Variants in BICRAL observed in about 807,000 individuals in gnomAD.
The protein encoded by BICRAL is BRD4-interacting chromatin-remodeling complex-associated protein-like.
In BICRAL, 8 loss-of-function variants were observed where a neutral mutation model predicts 91.8. That is an observed-to-expected ratio of 0.09 (90% CI 0.05 to 0.16). The LOEUF (loss-of-function observed/expected upper bound fraction) is 0.16. Among genes scored for constraint, BICRAL ranks in the 10% least tolerant of loss-of-function variants. BICRAL has a pLI of 1.00. For missense variants in BICRAL, 1,038 were observed against 1,310.9 expected, an observed-to-expected ratio of 0.79 and a Z score of 3.21; for synonymous variants, 445 against 491.1, an observed-to-expected ratio of 0.91 and a Z score of 1.24.
intron 1 of BICRAL, among the ~76,000 whole-genome samples, chr6:42,808,218 A>G (rs957060025): frequency 9.4e-5 from 14 of 149,586 alleles, no homozygotes; most frequent in Non-Finnish European, 1.5e-4. Flanking sequence ...TGCAACCTTC[A>G]CCTTCCAGGT....
At chr6:42,825,102 T>TA (rs1764253355) in intron 5 of BICRAL, among the ~76,000 whole-genome samples, 2 of 151,294 alleles carry the variant, frequency 1.3e-5, no homozygotes, top group Non-Finnish European at 2.9e-5. Context: ...CTACTAAAAA[T>TA]GCAAAAAATT....
intron 1 of BICRAL, among the ~76,000 whole-genome samples, chr6:42,776,474 A>C (rs997617378): frequency 1.3e-5 from 2 of 151,980 alleles, no homozygotes; most frequent in Non-Finnish European, 2.9e-5. Context: ...CAGCCTCCCA[A>C]GTAGCTGGGA....
At chr6:42,862,979 C>T (rs1010471632) in intron 12 of BICRAL, among the ~76,000 whole-genome samples, 1 of 152,016 alleles carries the variant, frequency 6.6e-6, no homozygotes, top group Non-Finnish European at 1.5e-5. Context: ...ACACTTTTTC[C>T]ACTCTTGTGT....
chr6:42,853,533 C>G (rs1285636278), intron 7 of BICRAL, 105 bp from the exon 8 acceptor site: 2 of 765,590 alleles, frequency 2.6e-6, no homozygotes, highest in East Asian at 2.5e-5. Flanking sequence ...TAAAGAAACC[C>G]GTTTCAGAAT....
At chr6:42,835,713 T>G (rs1764618672) in intron 6 of BICRAL, among the ~76,000 whole-genome samples, 1 of 152,108 alleles carries the variant, frequency 6.6e-6, no homozygotes, top group Admixed American at 6.6e-5. Flanking sequence ...GGGGGCAGAT[T>G]GCTTGAGCTC....
chr6:42,800,588 C>T (rs1270865904), intron 1 of BICRAL, among the ~76,000 whole-genome samples: 2 of 148,760 alleles, frequency 1.3e-5, no homozygotes. Context: ...CCCGCTTCAT[C>T]GCCCAGGCTA....
At chr6:42,778,938 C>T (rs892248604), upstream of BICRAL, among the ~76,000 whole-genome samples, 3 of 152,004 alleles carry the variant, frequency 2.0e-5, no homozygotes, top group African/African-American at 7.2e-5. Flanking sequence ...CTGCCTCAGC[C>T]TCCTGAGTAG....
At position 42,761,858 on chromosome 6, in the gene BICRAL, G is replaced by A. The variant is rs529338851; in HGVS notation, c.-261+14835G>A. ...GAGCCCAGGAGGTCGAGGCTTCAGC[G>A]AGCCATGATTGCATCACTGCACTCT... On this transcript the variant is annotated intron_variant, in intron 1 of 14. Coordinates refer to the BICRAL transcript ENST00000614467. Among the ~76,000 whole-genome samples, 5 of 151,918 alleles carry A rather than the reference G, an allele frequency of 3.3e-5. No homozygotes were observed. In the South Asian group the frequency reaches 6.2e-4, roughly 19 times the overall value.
intron 1 of BICRAL, among the ~76,000 whole-genome samples, chr6:42,759,897 T>G (rs1762519823): frequency 6.6e-6 from 1 of 152,152 alleles, no homozygotes; most frequent in African/African-American, 2.4e-5. Context: ...TTCCATGCTG[T>G]GTCCCTCACA....
Position 42,865,189 on chromosome 6 carries a change from G to C in BICRAL, c.2983G>C (p.Gly995Arg). 1.2e-6 allele frequency: 2 copies of C among 1,614,156 alleles called. No individual in the cohort carries two copies. The highest frequency in any genetic ancestry group is 1.7e-6 in the Non-Finnish European group (2 of 1,180,020). ...VLHTDIMKGS[G>R]EPQPDLQLTK... Reference sequence around the variant, plus strand: ...ACACACAGACATCATGAAAGGGTCAGGCGAACCCCAGCCAGATCTCCAGCT... The same window carrying C: ...ACACACAGACATCATGAAAGGGTCACGCGAACCCCAGCCAGATCTCCAGCT... Residue 995 changes from glycine (G) to arginine (R), a missense_variant, in exon 13 of 13, where the codon GGC (glycine) becomes CGC (arginine). Coordinates refer to ENST00000314073, the MANE Select transcript of BICRAL (RefSeq NM_001393499.1).
intron 11 of BICRAL, among the ~76,000 whole-genome samples, chr6:42,861,568 A>C (rs571583623): frequency 5.3e-5 from 8 of 152,340 alleles, no homozygotes; most frequent in Non-Finnish European, 1.2e-4. Flanking sequence ...GTCTCTTATA[A>C]CTCATTTTCA....
At chr6:42,815,034 A>G (rs1763951505) in intron 2 of BICRAL, among the ~76,000 whole-genome samples, 2 of 147,900 alleles carry the variant, frequency 1.4e-5, no homozygotes, top group South Asian at 4.3e-4. Flanking sequence ...CTCAGCCCCC[A>G]TAGTAGCTGG....
intron 2 of BICRAL, among the ~76,000 whole-genome samples, chr6:42,816,009 AG>A (rs1763982895): frequency 1.3e-5 from 2 of 149,312 alleles, no homozygotes; most frequent in African/African-American, 4.9e-5. Context: ...AAAAAAAAAA[AG>A]ATACAGTATT....
chr6:42,811,624 A>G lies in BICRAL; in HGVS notation c.-6+1223A>G, dbSNP rs1323934200. 3.9e-5 allele frequency among the ~76,000 whole-genome samples: 5 copies of G among 127,672 alleles called. 2 individuals are homozygous for G. The South Asian group carries it at 1.3e-3, about 32-fold the overall frequency. 83.8% of individuals were successfully genotyped at this position (127,672 alleles called of 152,430 possible). ...GACAGAGCGAGACTCCATCTCAAAG[A>G]AAAAAAAAAAAAAAAGCCTACGTTC... On this transcript the variant is annotated intron_variant, in intron 2 of 12. Transcript: ENST00000314073.
chr6:42,845,195 GTTTT>G (rs748804344), intron 6 of BICRAL, among the ~76,000 whole-genome samples: 4 of 25,612 alleles, frequency 1.6e-4, no homozygotes, highest in East Asian at 2.4e-3. Flanking sequence ...TTTTTTGGGT[GTTTT>G]TTTTTTTTTT....
At chr6:42,844,094 G>A (rs1329250696) in intron 6 of BICRAL, among the ~76,000 whole-genome samples, 6 of 149,218 alleles carry the variant, frequency 4.0e-5, no homozygotes, top group Non-Finnish European at 5.9e-5. Context: ...GAGCCACCGC[G>A]CCTGGCCAGC....
upstream of BICRAL, among the ~76,000 whole-genome samples, chr6:42,777,925 T>C (rs1214246419): frequency 6.6e-6 from 1 of 152,174 alleles, no homozygotes; most frequent in Non-Finnish European, 1.5e-5. Context: ...TTTAAGAACT[T>C]TCCTCTTAAA....
chr6:42,846,076 A>G (rs1479826352), intron 6 of BICRAL, among the ~76,000 whole-genome samples: 7 of 149,892 alleles, frequency 4.7e-5, no homozygotes, highest in Non-Finnish European at 8.9e-5. Context: ...AAAAAAAAAA[A>G]AAAAGTTATA....
At chr6:42,841,806 GT>G (rs1337179140) in intron 6 of BICRAL, among the ~76,000 whole-genome samples, 1 of 152,142 alleles carries the variant, frequency 6.6e-6, no homozygotes, top group Non-Finnish European at 1.5e-5. Flanking sequence ...TAGCATTATT[GT>G]TCCCACGTCA....
Sources: allele counts gnomAD v4.1 joint callset (sites outside exome capture counted in the v4.1 genomes callset), GRCh38; gene constraint gnomAD v4.1.1; transcripts MANE v1.5; gene names NCBI Gene and HGNC (gene_info 2026-07-23, HGNC 2026-07-21).